FRMD4A: variants seen among roughly 807,000 people sequenced by gnomAD.
The protein encoded by FRMD4A is FERM domain containing 4A.
In FRMD4A, 29 loss-of-function variants were observed where a neutral mutation model predicts 129.1. That is an observed-to-expected ratio of 0.22 (90% CI 0.17 to 0.31). The LOEUF is 0.31. FRMD4A is among the 10% of genes least tolerant of loss of function. The probability of loss-of-function intolerance (pLI) is 1.00; values close to 1 mark genes in which losing one functional copy is unlikely to be tolerated. For missense variants in FRMD4A, 1,272 were observed against 1,375.8 expected (o/e 0.92, Z 1.19); for synonymous variants, 634 against 571.6 (o/e 1.11, Z -1.56).
At chr10:14,156,551 G>A (rs375265864) in intron 2 of FRMD4A, among the ~76,000 whole-genome samples, 1 of 152,166 alleles carries the variant, frequency 6.6e-6, no homozygotes, top group South Asian at 2.1e-4. Context: ...ACCCCTGGGA[G>A]GGGAGAGGGA....
At chr10:14,219,485 A>C (rs1354028530) in intron 2 of FRMD4A, among the ~76,000 whole-genome samples, 1 of 152,156 alleles carries the variant, frequency 6.6e-6, no homozygotes, top group Non-Finnish European at 1.5e-5. Context: ...CCTATTCACA[A>C]ATGAGGGACC....
chr10:13,872,120 C>T (rs531097396), intron 2 of FRMD4A, among the ~76,000 whole-genome samples: 23 of 152,272 alleles, frequency 1.5e-4, no homozygotes, highest in African/African-American at 5.1e-4. Flanking sequence ...CACTGACTGC[C>T]GCCTACACAC....
intron 2 of FRMD4A, among the ~76,000 whole-genome samples, chr10:14,087,019 G>A (rs937932248): frequency 1.3e-5 from 2 of 152,044 alleles, no homozygotes; most frequent in Non-Finnish European, 2.9e-5. Context: ...GCCCAGCATT[G>A]AGAGAGGGTT....
At chr10:13,674,675 G>C (rs370585510) in intron 16 of FRMD4A, among the ~76,000 whole-genome samples, 2 of 152,142 alleles carry the variant, frequency 1.3e-5, no homozygotes, top group Non-Finnish European at 2.9e-5. Flanking sequence ...GCACTAATGC[G>C]GTTCTGCTCT....
At chr10:13,923,011 A>C (rs1156533347) in intron 2 of FRMD4A, among the ~76,000 whole-genome samples, 1 of 152,172 alleles carries the variant, frequency 6.6e-6, no homozygotes. Context: ...ATGAGAAAAA[A>C]ATGTGCTCAG....
At position 13,738,019 on chromosome 10, in the gene FRMD4A, A is replaced by T. The variant is rs1357411957; in HGVS notation, c.673-89T>A. 3 of 753,832 alleles carry T rather than the reference A, an allele frequency of 4.0e-6. No homozygotes were observed. The East Asian group carries it at 7.8e-5, about 20-fold the overall frequency. 46.7% of individuals were successfully genotyped at this position (753,832 alleles called of 1,614,324 possible). A position where few individuals can be genotyped will look rare whatever the true frequency, so the allele number is the denominator to read the frequency against. On this transcript the variant is annotated intron_variant, in intron 11 of 24. Coordinates refer to ENST00000357447, the MANE Select transcript of FRMD4A (RefSeq NM_018027.5). Reference sequence around the variant, plus strand: ...AGATTTCCTGGCTCAGGGGCAGACGAGGGAAAGGGCCATTTCCTTGGAATG... The same window carrying T: ...AGATTTCCTGGCTCAGGGGCAGACGTGGGAAAGGGCCATTTCCTTGGAATG...
chr10:14,133,295 A>T (rs1839363506), intron 2 of FRMD4A, among the ~76,000 whole-genome samples: 1 of 152,212 alleles, frequency 6.6e-6, no homozygotes, highest in African/African-American at 2.4e-5. Flanking sequence ...TATCAAGTAA[A>T]TAATGAAACA....
intron 2 of FRMD4A, among the ~76,000 whole-genome samples, chr10:14,049,263 T>C (rs991589690): frequency 6.6e-6 from 1 of 152,214 alleles, no homozygotes; most frequent in Non-Finnish European, 1.5e-5. Flanking sequence ...TATAATTACA[T>C]ATGCACAGTG....
chr10:13,875,800 A>G (rs1315610072), intron 2 of FRMD4A, among the ~76,000 whole-genome samples: 1 of 152,164 alleles, frequency 6.6e-6, no homozygotes, highest in Non-Finnish European at 1.5e-5. Flanking sequence ...CATACAACCT[A>G]CTGGCCATAC....
intron 2 of FRMD4A, among the ~76,000 whole-genome samples, chr10:14,258,788 C>G (rs1844701964): frequency 6.6e-6 from 1 of 152,130 alleles, no homozygotes; most frequent in African/African-American, 2.4e-5. Context: ...AATGGTTGAA[C>G]AGATAAACAA....
intron 2 of FRMD4A, among the ~76,000 whole-genome samples, chr10:14,235,402 T>C (rs10906635): frequency 0.41 from 62,544 of 151,302 alleles, 13,925 homozygotes; most frequent in Non-Finnish European, 0.49. Context: ...CCCACCTCGG[T>C]CTCCCAAAGT....
intron 2 of FRMD4A, among the ~76,000 whole-genome samples, chr10:14,261,480 T>C (rs942382874): frequency 6.6e-6 from 1 of 152,170 alleles, no homozygotes; most frequent in African/African-American, 2.4e-5. Flanking sequence ...CTTCTTCTTC[T>C]CTGAGGACTC....
chr10:14,145,843 A>G (rs972729027), intron 2 of FRMD4A, among the ~76,000 whole-genome samples: 3 of 152,194 alleles, frequency 2.0e-5, no homozygotes, highest in African/African-American at 7.2e-5. Context: ...CTTTATAAGC[A>G]AGGATGTAAA....
intron 2 of FRMD4A, among the ~76,000 whole-genome samples, chr10:14,123,332 C>T (rs1838644680): frequency 2.6e-5 from 4 of 152,134 alleles, no homozygotes; most frequent in Admixed American, 2.6e-4. Flanking sequence ...CCAGCTCTGC[C>T]CCAGCAGTAT....
At chr10:14,198,797 G>A (rs535637914) in intron 2 of FRMD4A, among the ~76,000 whole-genome samples, 13 of 152,288 alleles carry the variant, frequency 8.5e-5, no homozygotes, top group Admixed American at 7.2e-4. Context: ...AACTGGCCGA[G>A]TTAAATTCCA....
intron 2 of FRMD4A, among the ~76,000 whole-genome samples, chr10:14,126,293 T>C (rs2002208): frequency 0.66 from 99,892 of 151,614 alleles, 33,447 homozygotes; most frequent in East Asian, 0.79. Flanking sequence ...CCCTCAGCCT[T>C]CCGAATAGCT....
intron 2 of FRMD4A, among the ~76,000 whole-genome samples, chr10:14,245,950 G>C (rs879694983): frequency 6.6e-6 from 1 of 152,174 alleles, no homozygotes; most frequent in African/African-American, 2.4e-5. Context: ...TTAGCCGGCT[G>C]TGCCTGAAAG....
At chr10:13,954,763 T>C (rs1007612204) in intron 2 of FRMD4A, among the ~76,000 whole-genome samples, 1 of 152,166 alleles carries the variant, frequency 6.6e-6, no homozygotes, top group South Asian at 2.1e-4. Flanking sequence ...GCACCTGCAG[T>C]TCATCTCAGA....
At chr10:13,898,817 T>C (rs1228581976) in intron 2 of FRMD4A, among the ~76,000 whole-genome samples, 2 of 152,206 alleles carry the variant, frequency 1.3e-5, no homozygotes, top group African/African-American at 4.8e-5. Flanking sequence ...CTAATACCAT[T>C]GGGCAGTCTT....
Sources: gnomAD v4.1 joint callset for allele counts (sites outside exome capture counted in the v4.1 genomes callset) on GRCh38, gnomAD v4.1.1 for gene constraint, MANE v1.5 for transcripts, NCBI Gene and HGNC (gene_info 2026-07-23, HGNC 2026-07-21) for gene names.